PAPPA: variants seen among roughly 807,000 people sequenced by gnomAD.
PAPPA encodes pappalysin-1.
A neutral mutation model predicts 164.0 loss-of-function variants in PAPPA; 60 were observed. The observed-to-expected ratio is 0.37, with a 90% CI of 0.30 to 0.45. PAPPA has a LOEUF of 0.45. PAPPA is among the 20% of genes least tolerant of loss of function. The pLI is 1.00. For missense variants in PAPPA, 1,782 were observed against 2,087.3 expected (o/e 0.85, Z 2.85); for synonymous variants, 875 against 814.1 (o/e 1.07, Z -1.27).
intron 5 of PAPPA, among the ~76,000 whole-genome samples, chr9:116,225,923 G>A (rs2118719452): frequency 6.6e-6 from 1 of 152,208 alleles, no homozygotes; most frequent in East Asian, 1.9e-4. Flanking sequence ...TGTGTGCTGT[G>A]CTGTGTGAAA....
intron 8 of PAPPA, 51 bp downstream of exon 8, chr9:116,266,036 G>A (rs1344060025): frequency 2.0e-6 from 3 of 1,526,200 alleles, no homozygotes; most frequent in East Asian, 4.6e-5. Flanking sequence ...GTTAGGTCAA[G>A]AGATGGTTAG....
chr9:116,374,192 T>C (rs1316125135), intron 19 of PAPPA, among the ~76,000 whole-genome samples: 1 of 112,824 alleles, frequency 8.9e-6, no homozygotes, highest in East Asian at 2.4e-4. Context: ...ATGGTGGTGA[T>C]GATGATGGTG....
chr9:116,171,255 G>A (rs940112500), intron 1 of PAPPA, among the ~76,000 whole-genome samples: 26 of 152,198 alleles, frequency 1.7e-4, no homozygotes, highest in Admixed American at 1.7e-3. Context: ...CTTGTTTAGT[G>A]ATGCTGAGCC....
chr9:116,156,288 G>GTGTGTA (rs1554730850), intron 1 of PAPPA, among the ~76,000 whole-genome samples: 3 of 141,790 alleles, frequency 2.1e-5, no homozygotes, highest in African/African-American at 7.7e-5. Context: ...GTGTGTGTGT[G>GTGTGTA]TATATATATA....
chr9:116,217,557 A>G (rs1011794129), intron 4 of PAPPA, among the ~76,000 whole-genome samples: 1 of 152,148 alleles, frequency 6.6e-6, no homozygotes, highest in African/African-American at 2.4e-5. Context: ...TAAATTCCTT[A>G]TTGTTAGATC....
chr9:116,157,978 T>C (rs1411471569), intron 1 of PAPPA, among the ~76,000 whole-genome samples: 1 of 152,152 alleles, frequency 6.6e-6, no homozygotes, highest in Non-Finnish European at 1.5e-5. Context: ...GAGCAGCAGT[T>C]AATCTTGTTA....
chr9:116,242,218 C>A (rs1587968373), intron 7 of PAPPA, among the ~76,000 whole-genome samples: 2 of 152,112 alleles, frequency 1.3e-5, no homozygotes, highest in Non-Finnish European at 2.9e-5. Context: ...TCTAACTGAG[C>A]TTGAATAGGT....
At chr9:116,223,814 T>A (rs912001932) in intron 5 of PAPPA, among the ~76,000 whole-genome samples, 2 of 152,180 alleles carry the variant, frequency 1.3e-5, no homozygotes, top group Admixed American at 6.5e-5. Flanking sequence ...TCCTCAGCTT[T>A]ATCACTCCCA....
intron 17 of PAPPA, among the ~76,000 whole-genome samples, chr9:116,354,328 A>G (rs1026806325): frequency 6.6e-6 from 1 of 152,210 alleles, no homozygotes; most frequent in Admixed American, 6.5e-5. Context: ...AATTTTCTTC[A>G]AATCCTACAC....
At position 116,396,669 on chromosome 9, in the gene PAPPA, T is replaced by C. The variant is rs780999786; in HGVS notation, c.*53T>C. 13 of 761,932 alleles carry C rather than the reference T, an allele frequency of 1.7e-5. No individual in the cohort carries two copies. The highest frequency in any genetic ancestry group is 2.9e-5 in the Non-Finnish European group (12 of 407,354). 47.2% of individuals were successfully genotyped at this position (761,932 alleles called of 1,614,324 possible). ...CCCAACGCCAGGACCCACATCCCTT[T>C]GGTATTGATTTCACAGTCAGCTGCT... is the stretch of plus-strand genomic sequence containing the variant. On this transcript the variant is annotated 3_prime_UTR_variant, in exon 22 of 22. Transcript: ENST00000328252.
At chr9:116,319,254 C>T (rs1463254036) in intron 10 of PAPPA, among the ~76,000 whole-genome samples, 5 of 152,144 alleles carry the variant, frequency 3.3e-5, no homozygotes, top group Non-Finnish European at 7.3e-5. Context: ...GCACAAAAGG[C>T]GGCCGCCACA....
chr9:116,287,511 T>G (rs1845354825), intron 9 of PAPPA: 2 of 152,174 alleles, frequency 1.3e-5, no homozygotes, highest in African/African-American at 4.8e-5. Flanking sequence ...GAGCTTAGAC[T>G]AGAGTGCGTT....
intron 7 of PAPPA, among the ~76,000 whole-genome samples, chr9:116,236,779 C>G (rs1289657396): frequency 6.6e-6 from 1 of 152,080 alleles, no homozygotes; most frequent in Non-Finnish European, 1.5e-5. Flanking sequence ...ACAACCATAG[C>G]CCTATTATTC....
chr9:116,338,626 C>T (rs1846094704), intron 13 of PAPPA, among the ~76,000 whole-genome samples: 1 of 152,196 alleles, frequency 6.6e-6, no homozygotes, highest in East Asian at 1.9e-4. Flanking sequence ...TTCAACTTCC[C>T]CAACCCACAA....
chr9:116,240,035 C>T (rs184866345), intron 7 of PAPPA, among the ~76,000 whole-genome samples: 112 of 152,238 alleles, frequency 7.4e-4, no homozygotes, highest in African/African-American at 2.6e-3. Flanking sequence ...GCACTGTGCT[C>T]CTTGGCCTAT....
intron 6 of PAPPA, among the ~76,000 whole-genome samples, chr9:116,234,615 C>T (rs982558813): frequency 2.0e-5 from 3 of 152,098 alleles, no homozygotes; most frequent in Non-Finnish European, 4.4e-5. Flanking sequence ...TCTACTGTCC[C>T]CTGCATCCAA....
intron 3 of PAPPA, among the ~76,000 whole-genome samples, chr9:116,207,865 C>T (rs563129596): frequency 1.3e-5 from 2 of 152,286 alleles, no homozygotes; most frequent in South Asian, 4.1e-4. Context: ...GGAAATGGGG[C>T]TTATCCAACA....
Position 116,187,628 on chromosome 9 carries a change from G to C in PAPPA, c.890G>C (p.Trp297Ser). Residue 297 changes from tryptophan (W) to serine (S), a missense_variant, in exon 2 of 22, where the codon TGG becomes TCG. By Grantham distance (177) the Trp-to-Ser change is radical. Around this residue, in one of 2 missense-constraint regions of PAPPA, gnomAD observed 458 missense variants for 430.3 expected, o/e 1.06. Transcript: ENST00000328252. This position sits in a 1 kb window ranked among gnomAD's most constrained non-coding sequence, Gnocchi z 4.2. ...QENWDNVKHA[W>S]SPMKDGSSPK... ...AACTGGGACAATGTGAAGCATGCCT[G>C]GTCCCCCATGAAGGATGGCAGCAGC... is the stretch of plus-strand genomic sequence containing the variant. 6.2e-7 allele frequency: 1 copy of C among 1,614,212 alleles called. No individual in the cohort carries two copies. The highest frequency in any genetic ancestry group is 8.5e-7 in the Non-Finnish European group (1 of 1,180,024).
intron 8 of PAPPA, among the ~76,000 whole-genome samples, chr9:116,268,483 A>C (rs545881085): frequency 6.6e-6 from 1 of 152,304 alleles, no homozygotes. Context: ...AAACATTTGC[A>C]GTCACTGGTG....
Sources: gnomAD v4.1 joint callset for allele counts (sites outside exome capture counted in the v4.1 genomes callset) on GRCh38, gnomAD v4.1.1 for gene constraint, gnomAD v4.1.1 regional missense constraint, Gnocchi (gnomAD v3.1) non-coding constraint, MANE v1.5 for transcripts, NCBI Gene and HGNC (gene_info 2026-07-23, HGNC 2026-07-21) for gene names.